Variants in TAFA2 observed in about 807,000 individuals in gnomAD.
The protein encoded by TAFA2 is chemokine-like protein TAFA-2.
A neutral mutation model predicts 18.8 loss-of-function variants in TAFA2; 7 were observed. The observed-to-expected ratio is 0.37, with a 90% CI of 0.21 to 0.70. The LOEUF (loss-of-function observed/expected upper bound fraction) is 0.70, where lower values mean the gene tolerates loss of function less well. Ranked by LOEUF, TAFA2 falls within the 30% of genes least tolerant of loss-of-function variation. TAFA2 has a pLI of 0.53. For synonymous variants in TAFA2, 60 were observed against 54.2 expected, an observed-to-expected ratio of 1.11 and a Z score of -0.47; for missense variants, 122 against 158.1, an observed-to-expected ratio of 0.77 and a Z score of 1.23.
intron 2 of TAFA2, among the ~76,000 whole-genome samples, chr12:61,764,230 T>TGATTGATA (rs1555163228): frequency 4.0e-5 from 6 of 150,026 alleles, no homozygotes; most frequent in African/African-American, 9.8e-5. Context: ...GATGATTGAT[T>TGATTGATA]GATAGATAGA....
At chr12:61,814,230 C>G (rs1315784669) in intron 2 of TAFA2, among the ~76,000 whole-genome samples, 6 of 151,184 alleles carry the variant, frequency 4.0e-5, no homozygotes, top group Admixed American at 2.0e-4. Flanking sequence ...GTAAAAAGTG[C>G]TAGGCCTCAT....
At chr12:61,877,920 T>TACACACACACAC (rs1291038538) in intron 1 of TAFA2, among the ~76,000 whole-genome samples, 8 of 141,610 alleles carry the variant, frequency 5.6e-5, no homozygotes, top group South Asian at 4.3e-4. Context: ...TATATATATA[T>TACACACACACAC]ATATACACAC....
chr12:62,100,194 A>G (rs982355803), intron 1 of TAFA2, among the ~76,000 whole-genome samples: 2 of 151,046 alleles, frequency 1.3e-5, no homozygotes, highest in Middle Eastern at 3.4e-3. Flanking sequence ...TGTTCTTTCA[A>G]TCTTCTCTGG....
At chr12:61,940,397 G>A (rs528191396) in intron 1 of TAFA2, among the ~76,000 whole-genome samples, 4 of 152,208 alleles carry the variant, frequency 2.6e-5, no homozygotes, top group Non-Finnish European at 5.9e-5. Flanking sequence ...GCAGGTAGGA[G>A]GAGTGGCCAT....
intron 1 of TAFA2, among the ~76,000 whole-genome samples, chr12:62,213,176 G>T (rs554996784): frequency 6.6e-6 from 1 of 152,144 alleles, no homozygotes; most frequent in African/African-American, 2.4e-5. Flanking sequence ...CTTGGGTAAG[G>T]GTCACAGTTA....
chr12:62,065,520 A>G (rs1473458667), intron 1 of TAFA2, among the ~76,000 whole-genome samples: 1 of 152,082 alleles, frequency 6.6e-6, no homozygotes, highest in Admixed American at 6.5e-5. Flanking sequence ...AATCATAATC[A>G]GTATTGAAAC....
At chr12:61,898,776 A>G (rs545160217) in intron 1 of TAFA2, among the ~76,000 whole-genome samples, 7 of 152,318 alleles carry the variant, frequency 4.6e-5, no homozygotes, top group African/African-American at 1.7e-4. Flanking sequence ...TTGATGATTA[A>G]CATTCAGCTC....
At chr12:61,848,046 C>T (rs1289639839) in intron 2 of TAFA2, among the ~76,000 whole-genome samples, 1 of 152,102 alleles carries the variant, frequency 6.6e-6, no homozygotes, top group Non-Finnish European at 1.5e-5. Flanking sequence ...TGGATTTTCT[C>T]GATATTAACC....
At chr12:62,141,109 A>C (rs1477454279) in intron 1 of TAFA2, among the ~76,000 whole-genome samples, 2 of 152,174 alleles carry the variant, frequency 1.3e-5, no homozygotes, top group African/African-American at 4.8e-5. Context: ...AAGTTAAGTA[A>C]ATTGTCCAAG....
At chr12:61,837,233 T>C (rs997632881) in intron 2 of TAFA2, among the ~76,000 whole-genome samples, 2 of 151,892 alleles carry the variant, frequency 1.3e-5, no homozygotes, top group African/African-American at 4.8e-5. Flanking sequence ...GAAAACCACA[T>C]TTATTTGTTT....
intron 1 of TAFA2, among the ~76,000 whole-genome samples, chr12:62,110,548 G>T (rs1238124284): frequency 6.6e-6 from 1 of 151,472 alleles, no homozygotes; most frequent in Non-Finnish European, 1.5e-5. Context: ...ATTTCAGAAG[G>T]AATGGCACCA....
At chr12:61,782,540 G>T (rs1870550013) in intron 2 of TAFA2, among the ~76,000 whole-genome samples, 1 of 151,598 alleles carries the variant, frequency 6.6e-6, no homozygotes, top group Admixed American at 6.6e-5. Flanking sequence ...TTTTACACAT[G>T]TTATACAAAA....
chr12:62,113,320 G>A (rs1869818121), intron 1 of TAFA2, among the ~76,000 whole-genome samples: 1 of 152,184 alleles, frequency 6.6e-6, no homozygotes, highest in African/African-American at 2.4e-5. Context: ...AGAAGCTGCA[G>A]AGCAGCAAAG....
At chr12:62,047,365 C>T (rs548687329) in intron 1 of TAFA2, among the ~76,000 whole-genome samples, 4 of 152,202 alleles carry the variant, frequency 2.6e-5, no homozygotes, top group South Asian at 2.1e-4. Context: ...AAGAGCACAA[C>T]TTATGTCCCA....
intron 1 of TAFA2, among the ~76,000 whole-genome samples, chr12:62,153,484 A>G (rs2062344047): frequency 6.6e-6 from 1 of 152,076 alleles, no homozygotes; most frequent in African/African-American, 2.4e-5. Flanking sequence ...GCAACAGAGC[A>G]AGACCCCATC....
At position 61,756,067 on chromosome 12, in the gene TAFA2, G is replaced by A. The variant is rs535098809; in HGVS notation, c.107-1043C>T. On this transcript the variant is annotated intron_variant, in intron 2 of 4. Transcript: ENST00000416284. Reference sequence around the variant, plus strand: ...AAGGAGACCCATTGCAAATGAGATCGGCACATCATACATTTATATTAATCT... The same window carrying A: ...AAGGAGACCCATTGCAAATGAGATCAGCACATCATACATTTATATTAATCT... 7.5e-4 allele frequency among the ~76,000 whole-genome samples: 114 copies of A among 152,010 alleles called. 2 individuals carry two copies. The South Asian group carries it at 0.021, about 28-fold the overall frequency.
chr12:62,031,016 C>A (rs992351884), intron 1 of TAFA2, among the ~76,000 whole-genome samples: 2 of 152,088 alleles, frequency 1.3e-5, no homozygotes, highest in Non-Finnish European at 2.9e-5. Context: ...ATTATTTCCA[C>A]TTTTACTTAT....
intron 2 of TAFA2, among the ~76,000 whole-genome samples, chr12:61,774,782 A>G (rs556421176): frequency 6.6e-6 from 1 of 151,714 alleles, no homozygotes; most frequent in African/African-American, 2.4e-5. Flanking sequence ...GTAACCAAAC[A>G]CCTCCTGTTC....
intron 1 of TAFA2, among the ~76,000 whole-genome samples, chr12:61,935,294 A>ATCTGT (rs144502998): frequency 1.1e-3 from 165 of 152,294 alleles, no homozygotes; most frequent in African/African-American, 3.9e-3. Flanking sequence ...CAGAAACACA[A>ATCTGT]TCTGTTTCTC....
Sources: gnomAD v4.1 joint callset for allele counts (sites outside exome capture counted in the v4.1 genomes callset) on GRCh38, gnomAD v4.1.1 for gene constraint, MANE v1.5 for transcripts, NCBI Gene and HGNC (gene_info 2026-07-23, HGNC 2026-07-21) for gene names.